Variants in GPR89B observed in about 807,000 individuals in gnomAD.
GPR89B encodes the protein golgi pH regulator B.
GPR89B carries 25 observed loss-of-function variants against 52.4 expected under a neutral mutation model. That is an observed-to-expected ratio of 0.48 (90% CI 0.35 to 0.67). The LOEUF (loss-of-function observed/expected upper bound fraction) is 0.67, where lower values mean the gene tolerates loss of function less well. Among genes scored for constraint, GPR89B ranks in the 30% least tolerant of loss-of-function variants. The pLI, the probability that GPR89B is intolerant of heterozygous loss-of-function variation, is 0.01. For missense variants in GPR89B, 146 were observed against 450.2 expected (o/e 0.32, Z 6.11); for synonymous variants, 52 against 151.2 (o/e 0.34, Z 4.81).
chr1:148,003,004 G>T, the GPR89B span, among the ~76,000 whole-genome samples: 1 of 152,132 alleles, frequency 6.6e-6, no homozygotes, highest in East Asian at 1.9e-4. Flanking sequence ...GCCCCTGTAT[G>T]AAGGTACTTA....
the GPR89B span, among the ~76,000 whole-genome samples, chr1:148,018,658 C>CATG: frequency 1.3e-5 from 2 of 150,050 alleles, no homozygotes; most frequent in Admixed American, 6.6e-5. Flanking sequence ...AAGCAGTGCA[C>CATG]ATTATTATTA....
the GPR89B span, among the ~76,000 whole-genome samples, chr1:148,000,785 A>C: frequency 1.4e-5 from 2 of 146,816 alleles, no homozygotes; most frequent in Non-Finnish European, 3.0e-5. Flanking sequence ...TAAAAAAAAA[A>C]AAAAAAAAAA....
the GPR89B span, among the ~76,000 whole-genome samples, chr1:148,013,271 G>C: frequency 3.9e-5 from 6 of 152,096 alleles, no homozygotes; most frequent in Admixed American, 6.5e-5. Context: ...CAAGCCGCTG[G>C]ATAGCACGGC....
chr1:147,949,885 C>A (rs1331166557), intron 5 of GPR89B, among the ~76,000 whole-genome samples: 1 of 127,398 alleles, frequency 7.8e-6, no homozygotes, highest in Non-Finnish European at 1.6e-5. Flanking sequence ...GGCAGAGGCG[C>A]CCCTCACCTC....
chr1:147,971,279 G>T (rs1657443409), intron 10 of GPR89B, among the ~76,000 whole-genome samples: 1 of 150,978 alleles, frequency 6.6e-6, no homozygotes, highest in South Asian at 2.1e-4. Context: ...CCTCCCGAGT[G>T]GCTGGGATTA....
chr1:147,979,804 AT>A (rs2149086838), intron 10 of GPR89B, among the ~76,000 whole-genome samples: 1 of 152,102 alleles, frequency 6.6e-6, no homozygotes, highest in South Asian at 2.1e-4. Flanking sequence ...GAATGTTTGC[AT>A]TGTCTGAGCA....
intron 7 of GPR89B, among the ~76,000 whole-genome samples, chr1:147,963,264 T>C (rs1408048617): frequency 6.6e-6 from 1 of 150,512 alleles, no homozygotes; most frequent in Non-Finnish European, 1.5e-5. Flanking sequence ...TAATCCCAAC[T>C]ACTCGGGAGG....
intron 10 of GPR89B, among the ~76,000 whole-genome samples, chr1:147,984,317 TAAAGTA>T (rs1247081821): frequency 1.3e-5 from 2 of 151,102 alleles, no homozygotes; most frequent in South Asian, 2.1e-4. Flanking sequence ...CCCTAAAACT[TAAAGTA>T]TAATAATAAT....
intron 12 of GPR89B, among the ~76,000 whole-genome samples, chr1:147,991,723 G>T (rs1659085617): frequency 6.6e-6 from 1 of 152,044 alleles, no homozygotes; most frequent in Admixed American, 6.6e-5. Context: ...TTTTGTCTTT[G>T]GTTCTGTTTA....
intron 2 of GPR89B, among the ~76,000 whole-genome samples, chr1:147,937,646 G>A (rs1347208170): frequency 2.0e-5 from 3 of 152,086 alleles, no homozygotes; most frequent in South Asian, 4.1e-4. Context: ...TCTCCTACTC[G>A]CTTTCTGCAA....
the GPR89B span, among the ~76,000 whole-genome samples, chr1:148,019,484 T>C: frequency 2.6e-5 from 4 of 151,880 alleles, no homozygotes; most frequent in Non-Finnish European, 4.4e-5. Flanking sequence ...CTGGGCTTAG[T>C]ACCTGAGTGA....
chr1:148,019,102 G>A, the GPR89B span, among the ~76,000 whole-genome samples: 4 of 151,210 alleles, frequency 2.6e-5, no homozygotes, highest in Non-Finnish European at 4.4e-5. Context: ...TCAGCCTCCC[G>A]AGTAGCTGGG....
At chr1:147,930,052 C>T (rs1553246800) in intron 1 of GPR89B, among the ~76,000 whole-genome samples, 1 of 152,210 alleles carries the variant, frequency 6.6e-6, no homozygotes, top group Admixed American at 6.5e-5. Context: ...AGAAAATTGG[C>T]TTTGCATTGC....
chr1:147,938,811 A>G lies in GPR89B; in HGVS notation c.200A>G (p.Asn67Ser). Reference protein sequence around the residue: ...LIIFEILGVLNSSSRYFHWKM... With the variant: ...LIIFEILGVLSSSSRYFHWKM... ...ATCTTTGAAATCTTAGGAGTATTGA[A>G]TAGCAGGTGAGTAAGAGTACTGAAA... Residue 67 changes from asparagine (N) to serine (S), a missense_variant, in exon 3 of 14, where the codon AAT becomes AGT. Asn to Ser is a conservative substitution (Grantham distance 46). Transcript: ENST00000314163. 1 of 1,558,728 alleles carries G rather than the reference A, an allele frequency of 6.4e-7. No individual in the cohort carries two copies. The highest frequency in any genetic ancestry group is 8.7e-7 in the Non-Finnish European group (1 of 1,146,596).
intron 5 of GPR89B, 85 bp from the exon 6 acceptor site, chr1:147,953,260 G>A (rs1655861893): frequency 1.6e-6 from 1 of 609,134 alleles, no homozygotes; most frequent in Non-Finnish European, 3.0e-6. Flanking sequence ...AATGGTTAAT[G>A]TTTTAAATAA....
At chr1:148,020,918 C>A in the GPR89B span, among the ~76,000 whole-genome samples, 2 of 151,590 alleles carry the variant, frequency 1.3e-5, no homozygotes, top group Non-Finnish European at 2.9e-5. Flanking sequence ...GAACTACTGA[C>A]CTCACATGAT....
At chr1:147,945,923 T>G (rs1463092001) in intron 5 of GPR89B, among the ~76,000 whole-genome samples, 1 of 151,906 alleles carries the variant, frequency 6.6e-6, no homozygotes, top group Non-Finnish European at 1.5e-5. Context: ...ATGGGGTTTC[T>G]CCACGTTGCT....
the GPR89B span, among the ~76,000 whole-genome samples, chr1:148,015,330 T>G: frequency 7.1e-6 from 1 of 140,746 alleles, no homozygotes; most frequent in Non-Finnish European, 1.5e-5. Flanking sequence ...TCTCTCTCTC[T>G]CTCTCGACGG....
rs1223297304 is a variant in GPR89B at position 147,957,835 on chromosome 1, C to T, written c.617+3433C>T. On this transcript the variant is annotated intron_variant, in intron 7 of 13. Transcript: ENST00000314163. ...ATCCCAGCACTTTGGGAGGCCGAGT[C>T]GGGCAGATCACAAGGTCAGGAGATC... Among the ~76,000 whole-genome samples, 518 of 152,080 alleles carry T rather than the reference C, an allele frequency of 3.4e-3. 12 individuals carry two copies. The East Asian group carries it at 0.052, about 15-fold the overall frequency.
Sources: allele counts gnomAD v4.1 joint callset (sites outside exome capture counted in the v4.1 genomes callset), GRCh38; gene constraint gnomAD v4.1.1; transcripts MANE v1.5; gene names NCBI Gene and HGNC (gene_info 2026-07-23, HGNC 2026-07-21).